The following HEMK2 variants were observed in gnomAD, a reference collection of about 807,000 sequenced individuals.
HEMK2 encodes methyltransferase HEMK2.
the HEMK2 span, among the ~76,000 whole-genome samples, chr21:28,736,483 C>T: frequency 2.6e-5 from 4 of 152,136 alleles, no homozygotes; most frequent in Non-Finnish European, 4.4e-5. Context: ...TGGCCGGACG[C>T]GGTGGCTCAT....
At chr21:28,867,168 G>C in the HEMK2 span, among the ~76,000 whole-genome samples, 1 of 152,158 alleles carries the variant, frequency 6.6e-6, no homozygotes, top group Non-Finnish European at 1.5e-5. Flanking sequence ...GTATTGACTA[G>C]AGTACCAACA....
At chr21:28,861,670 TAG>T in the HEMK2 span, among the ~76,000 whole-genome samples, 1 of 152,232 alleles carries the variant, frequency 6.6e-6, no homozygotes, top group African/African-American at 2.4e-5. Flanking sequence ...AATGGTGGAT[TAG>T]CCTTTCAAAG....
chr21:28,841,308 A>ATATATAATATATATTATATATTATATATT, the HEMK2 span, among the ~76,000 whole-genome samples: 1 of 7,714 alleles, frequency 1.3e-4, no homozygotes, highest in Non-Finnish European at 1.7e-4. Flanking sequence ...TATTATATAT[A>ATATATAATATATATTATATATTATATATT]ATATATAATA....
chr21:28,775,147 C>T, the HEMK2 span, among the ~76,000 whole-genome samples: 3 of 152,044 alleles, frequency 2.0e-5, no homozygotes, highest in African/African-American at 7.2e-5. Context: ...CTTATGCCAC[C>T]CTCTTATTTT....
chr21:28,814,000 G>A, the HEMK2 span, among the ~76,000 whole-genome samples: 16 of 152,232 alleles, frequency 1.1e-4, no homozygotes, highest in East Asian at 9.7e-4. Flanking sequence ...CACTTTGGGC[G>A]GCTGAGGTGA....
chr21:28,586,964 C>T, the HEMK2 span, among the ~76,000 whole-genome samples: 46,327 of 151,954 alleles, frequency 0.3, 9,185 homozygotes, highest in African/African-American at 0.57. Flanking sequence ...ACGTATGAAA[C>T]GTGAGAGGGT....
chr21:28,592,479 G>A, the HEMK2 span, among the ~76,000 whole-genome samples: 1 of 152,172 alleles, frequency 6.6e-6, no homozygotes, highest in South Asian at 2.1e-4. Flanking sequence ...TGGGCTTATT[G>A]AAGGACTAAA....
the HEMK2 span, among the ~76,000 whole-genome samples, chr21:28,845,195 A>G: frequency 1.3e-5 from 2 of 152,110 alleles, no homozygotes; most frequent in East Asian, 3.8e-4. Flanking sequence ...TCAATTGTCC[A>G]AACATCATTT....
the HEMK2 span, among the ~76,000 whole-genome samples, chr21:28,864,368 C>T: frequency 6.6e-6 from 1 of 152,162 alleles, no homozygotes; most frequent in Non-Finnish European, 1.5e-5. Context: ...ATATTAGACA[C>T]TTTAAAAAGT....
the HEMK2 span, among the ~76,000 whole-genome samples, chr21:28,764,994 A>G: frequency 1.3e-5 from 2 of 152,120 alleles, no homozygotes; most frequent in African/African-American, 4.8e-5. Flanking sequence ...GAGTGTAGGC[A>G]GGACCTGTGA....
At chr21:28,721,036 T>C in the HEMK2 span, among the ~76,000 whole-genome samples, 1 of 152,210 alleles carries the variant, frequency 6.6e-6, no homozygotes, top group Admixed American at 6.5e-5. Flanking sequence ...CCAGCAAAAG[T>C]AGTCACTGAG....
At chr21:28,622,546 A>T in the HEMK2 span, among the ~76,000 whole-genome samples, 1 of 152,230 alleles carries the variant, frequency 6.6e-6, no homozygotes, top group East Asian at 1.9e-4. Flanking sequence ...AAAAGAACGA[A>T]GCTGGAGGCA....
At chr21:28,621,184 T>C in the HEMK2 span, among the ~76,000 whole-genome samples, 60 of 152,200 alleles carry the variant, frequency 3.9e-4, no homozygotes, top group Non-Finnish European at 6.5e-4. Flanking sequence ...TCTTTCCCTC[T>C]TTCTCCTGTG....
chr21:28,576,497 AT>A, the HEMK2 span, among the ~76,000 whole-genome samples: 1 of 152,008 alleles, frequency 6.6e-6, no homozygotes, highest in African/African-American at 2.4e-5. Flanking sequence ...AGATATATGT[AT>A]TTTTAATATA....
chr21:28,732,004 A>T, the HEMK2 span, among the ~76,000 whole-genome samples: 2,501 of 152,270 alleles, frequency 0.016, 71 homozygotes, highest in African/African-American at 0.056. Context: ...CTAGAAACCT[A>T]GCAGGTCGGA....
At chr21:28,831,469 A>ACG in the HEMK2 span, among the ~76,000 whole-genome samples, 23 of 34,094 alleles carry the variant, frequency 6.7e-4, 1 homozygote, top group East Asian at 3.3e-3. Context: ...GAACGAAAGA[A>ACG]AGAAAGAAAG....
chr21:28,634,024 C>T, the HEMK2 span, among the ~76,000 whole-genome samples: 1 of 152,134 alleles, frequency 6.6e-6, no homozygotes, highest in Admixed American at 6.5e-5. Flanking sequence ...AATTGTTCAG[C>T]GTTTCATGTT....
chr21:28,602,705 G>A, the HEMK2 span, among the ~76,000 whole-genome samples: 413 of 152,324 alleles, frequency 2.7e-3, no homozygotes, highest in African/African-American at 9.4e-3. Flanking sequence ...AAGGAATCTT[G>A]CATGTGCAGT....
At chr21:28,721,142 ATT>A in the HEMK2 span, among the ~76,000 whole-genome samples, 1 of 152,054 alleles carries the variant, frequency 6.6e-6, no homozygotes, top group Non-Finnish European at 1.5e-5. Context: ...TTGAGACAGG[ATT>A]TTGCTCTGTC....
Sources: gnomAD v4.1 joint callset for allele counts (sites outside exome capture counted in the v4.1 genomes callset) on GRCh38, gnomAD v4.1.1 for gene constraint, MANE v1.5 for transcripts, NCBI Gene and HGNC (gene_info 2026-07-23, HGNC 2026-07-21) for gene names.